The following TTN variants were observed in gnomAD, a reference collection of about 807,000 sequenced individuals.
The protein encoded by TTN is titin, also known as connectin.
Under a neutral mutation model 3,223.0 loss-of-function variants are expected in TTN, and 1,525 were observed. That is an observed-to-expected ratio of 0.47 (90% confidence interval 0.45 to 0.49). The LOEUF (loss-of-function observed/expected upper bound fraction) is 0.49, where lower values mean the gene tolerates loss of function less well. Among genes scored for constraint, TTN ranks in the 20% least tolerant of loss-of-function variants. The probability of loss-of-function intolerance (pLI) is 0.00; values close to 1 mark genes in which losing one functional copy is unlikely to be tolerated. For missense variants in TTN, 40,786 were observed against 43,424.0 expected (o/e 0.94, Z 5.40); for synonymous variants, 14,094 against 15,161.0 (o/e 0.93, Z 5.17).
Position 178,733,720 on chromosome 2 carries a change from T to C in TTN, c.15669A>G (p.Ala5223=). The change falls in exon 53 of 363, where the codon GCA becomes GCG. Residue 5223 remains alanine (A), a synonymous_variant. Coordinates refer to ENST00000589042, the MANE Select transcript of TTN (RefSeq NM_001267550.2). The part of the protein sequence containing the change: ...KIKMSFSNGV[A]VLIIPDVQIS... Reference sequence around the variant, plus strand: ...TCTGAACATCAGGGATTATCAAGACTGCAACACCATTGGAAAAGCTCATTT... The same window carrying C: ...TCTGAACATCAGGGATTATCAAGACCGCAACACCATTGGAAAAGCTCATTT... 1 of 1,613,890 alleles carries C rather than the reference T, an allele frequency of 6.2e-7. No individual in the cohort carries two copies.
chr2:178,696,139 T>C lies in TTN; in HGVS notation c.30933A>G (p.Arg10311=). ...GTTCTTCGAAAGATTCAATGAAGAC[T>C]CTCTTCTCCTTGTGGACTGCTTGCT... ...EKKQAVHKEK[R]VFIESFEEPY... The change falls in exon 114 of 363, where the codon AGA becomes AGG. Residue 10311 remains arginine (R), a synonymous_variant. Coordinates refer to ENST00000589042, the MANE Select transcript of TTN (RefSeq NM_001267550.2). 1 of 1,553,034 alleles carries C rather than the reference T, an allele frequency of 6.4e-7. No individual in the cohort carries two copies.
chr2:178,634,854 A>G lies in TTN; in HGVS notation c.42025-5T>C, dbSNP rs781238967. ...TTCTGCTTTGATTTCACAAGTCTGA[A>G]AAACAATAGTTTTAGTAACCATTTG... On this transcript the variant is annotated splice_polypyrimidine_tract_variant and splice_region_variant and intron_variant, in intron 228 of 362. Coordinates refer to ENST00000589042, the MANE Select transcript of TTN (RefSeq NM_001267550.2). The surrounding 1 kb of genome is among the most constrained non-coding windows in gnomAD (Gnocchi z 4.6). The G allele has an allele frequency of 6.2e-7, 1 of 1,604,556 alleles. No individual in the cohort carries two copies. The highest frequency in any genetic ancestry group is 1.1e-5 in the South Asian group (1 of 88,684).
Position 178,777,278 on chromosome 2 carries a change from A to G in TTN, c.4685T>C (p.Leu1562Pro), listed in dbSNP as rs562318663. ...HQVKPMFVEK[L>P]KNVNIKEGSR... ...ACCTTCCTTTATATTGACATTTTTC[A>G]GTTTTTCTACAAACATCGGTTTTAC... Residue 1562 changes from leucine (L) to proline (P), a missense_variant, in exon 27 of 363, where the codon CTG becomes CCG. Transcript: ENST00000589042. The G allele has an allele frequency of 6.2e-7, 1 of 1,614,020 alleles. No individual in the cohort carries two copies. Among genetic ancestry groups the G allele is most frequent in the Non-Finnish European group, 8.5e-7 (1 of 1,179,950 alleles).
In TTN at chr2:178,570,158, C is replaced by T. The variant is rs1553602546; in HGVS notation, c.75974G>A (p.Trp25325Ter). The change falls in exon 326 of 363, where the codon TGG becomes TAG. Residue 25325 changes from tryptophan (W) to a stop codon, truncating the protein, a stop_gained. Coordinates refer to ENST00000589042, the MANE Select transcript of TTN (RefSeq NM_001267550.2). LOFTEE classifies it high-confidence loss of function. ...TVTKDSMIVV[W>*]ERPASDGGSE... ...ACCACCATCAGATGCTGGTCTTTCC[C>T]ATACAACAATCATTGAGTCCTTGGT... 6.2e-7 allele frequency: 1 copy of T among 1,613,510 alleles called. No individual in the cohort carries two copies. The highest frequency in any genetic ancestry group is 8.5e-7 in the Non-Finnish European group (1 of 1,179,628).
rs373707659 is a variant in TTN, at chr2:178,543,094, T to G, written c.96879A>C (p.Thr32293=). The G allele has an allele frequency of 8.7e-6, 14 of 1,600,740 alleles. No individual in the cohort carries two copies. In the South Asian group the frequency reaches 1.3e-4, roughly 15 times the overall value. ...KGVSEPRETV[T]AVTVQDLRVL... ...CTCTGAGGTCTTGTACAGTCACGGC[T>G]GTGACAGTCTCTCTTGGTTCTGACA... Residue 32293 remains threonine (T), a synonymous_variant, in exon 347 of 363, where the codon ACA becomes ACC. Transcript: ENST00000589042.
chr2:178,577,676 C>G lies in TTN; in HGVS notation c.68750G>C (p.Arg22917Thr). Residue 22917 changes from arginine (R) to threonine (T), a missense_variant, in exon 323 of 363, where the codon AGA becomes ACA. Transcript: ENST00000589042. ...GATAGCACCTGCTGTATTCTTTGCT[C>G]TAATTCTGAATTCATATTTTCCACC... ...VEGGKYEFRI[R>T]AKNTAGAISA... The G allele has an allele frequency of 6.2e-7, 1 of 1,613,274 alleles. No individual in the cohort carries two copies. The highest frequency in any genetic ancestry group is 1.3e-5 in the African/African-American group (1 of 75,012).
Position 178,681,077 on chromosome 2 carries a change from A to G in TTN, c.33340+2T>C, listed in dbSNP as rs1266215470. 5 of 1,597,554 alleles carry G rather than the reference A, an allele frequency of 3.1e-6. No individual in the cohort carries two copies. The highest frequency in any genetic ancestry group is 2.2e-5 in the East Asian group (1 of 44,718). ...CACAATCGAGGAAGGAAATCATTAT[A>G]CCTTTAGCAGCGGGTTCAGTCACCT... On this transcript the variant is annotated splice_donor_variant, in intron 138 of 362. Transcript: ENST00000589042. LOFTEE classifies it high-confidence loss of function.
chr2:178,692,496 C>T lies in TTN; in HGVS notation c.31678+1G>A. ...TATTTTTTTCACAAATATTATTCTA[C>T]CTTTTGGTGCTGGGGGCTCCACTTT... On this transcript the variant is annotated splice_donor_variant, in intron 120 of 362. Coordinates refer to ENST00000589042, the MANE Select transcript of TTN (RefSeq NM_001267550.2). LOFTEE classifies it high-confidence loss of function. 6.4e-7 allele frequency: 1 copy of T among 1,572,224 alleles called. No homozygotes were observed. The highest frequency in any genetic ancestry group is 8.6e-7 in the Non-Finnish European group (1 of 1,156,730).
intron 46 of TTN, among the ~76,000 whole-genome samples, chr2:178,755,500 A>G (rs959288255): frequency 3.9e-5 from 6 of 152,102 alleles, no homozygotes; most frequent in Admixed American, 2.0e-4. Flanking sequence ...CAGTGACCCT[A>G]TTTCGGCTCA....
Position 178,667,506 on chromosome 2 carries a change from T to A in TTN, c.35649A>T (p.Lys11883Asn). The change falls in exon 161 of 363, where the codon AAA becomes AAT. Residue 11883 changes from lysine (K) to asparagine (N), a missense_variant. By Grantham distance (94) the Lys-to-Asn change is moderately conservative. Coordinates refer to ENST00000589042, the MANE Select transcript of TTN (RefSeq NM_001267550.2). ...KLAKVPEPPK[K>N]VVPEDKIYVT... ...CATATATTTTGTCTTCTGGAACAAC[T>A]TTCTTGGGTGGCTCAGGCACTTAAA... is the stretch of plus-strand genomic sequence containing the variant. The A allele has an allele frequency of 6.3e-7, 1 of 1,598,192 alleles. No individual in the cohort carries two copies. The highest frequency in any genetic ancestry group is 8.5e-7 in the Non-Finnish European group (1 of 1,179,240).
rs748115880 is a variant in TTN, at chr2:178,725,387, C to T, written c.20817G>A (p.Met6939Ile). 1 of 1,583,830 alleles carries T rather than the reference C, an allele frequency of 6.3e-7. No individual in the cohort carries two copies. The highest frequency in any genetic ancestry group is 2.3e-5 in the East Asian group (1 of 44,356). Residue 6939 changes from methionine to isoleucine, a missense_variant, in exon 71 of 363, where the codon ATG becomes ATA. Transcript: ENST00000589042. ...ACCAACCTAAGACCATCAGTGTGGC[C>T]ATGTTCTCCCTCATTCCACCATCAT... ...IKNDGGMRENMATLMVLEPAV... is the reference protein window; with the variant it reads ...IKNDGGMRENIATLMVLEPAV...
Position 178,728,353 on chromosome 2 carries a change from C to A in TTN, c.19471G>T (p.Asp6491Tyr). The change falls in exon 67 of 363, where the codon GAT becomes TAT. Residue 6491 changes from aspartate (D) to tyrosine (Y), a missense_variant. Asp to Tyr is a radical substitution (Grantham distance 160). Coordinates refer to ENST00000589042, the MANE Select transcript of TTN (RefSeq NM_001267550.2). The part of the protein sequence containing the change: ...PSFTKKLTKM[D>Y]KVLGSSIHME... ...TGAATAGAAGAGCCCAGAACTTTAT[C>A]CATTTTGGTTAATTTTTTGGTGAAT... 6.2e-7 allele frequency: 1 copy of A among 1,605,910 alleles called. No individual in the cohort carries two copies. Among genetic ancestry groups the A allele is most frequent in the Non-Finnish European group, 8.5e-7 (1 of 1,176,928 alleles).
At chr2:178,541,124 C>G (rs1694302993) in intron 350 of TTN, 158 bp downstream of exon 350, 2 of 712,066 alleles carry the variant, frequency 2.8e-6, no homozygotes, top group East Asian at 6.2e-5. Flanking sequence ...CACAAGGGAA[C>G]TTTACGGGGT....
Position 178,719,570 on chromosome 2 carries a change from T to C in TTN, c.23922A>G (p.Val7974=). 6.2e-7 allele frequency: 1 copy of C among 1,609,470 alleles called. No homozygotes were observed. Among genetic ancestry groups the C allele is most frequent in the Non-Finnish European group, 8.5e-7 (1 of 1,176,610 alleles). The change falls in exon 82 of 363, where the codon GTA becomes GTG. Residue 7974 remains valine, a synonymous_variant. Transcript: ENST00000589042. ...KNSVGKSNCT[V]SVHVSDRIVP... is the part of the protein sequence containing the mutation. ...TCTACTCACCAGAAACATGGACGGATACAGTGCAGTTACTTTTGCCAACAC... is the reference window on the plus strand; with the variant it reads ...TCTACTCACCAGAAACATGGACGGACACAGTGCAGTTACTTTTGCCAACAC...
chr2:178,533,437 G>A lies in TTN; in HGVS notation c.103178C>T (p.Thr34393Ile), dbSNP rs372299779. Residue 34393 changes from threonine (T) to isoleucine (I), a missense_variant, in exon 358 of 363, where the codon ACA becomes ATA. Coordinates refer to ENST00000589042, the MANE Select transcript of TTN (RefSeq NM_001267550.2). ...EIRVSGIPPP[T>I]LKWEKDGQPL... ...CTGACCATCTTTCTCCCATTTTAAT[G>A]TTGGTGGGGGGATGCCAGACACTCT... The A allele has an allele frequency of 5.0e-6, 8 of 1,613,894 alleles. No individual in the cohort carries two copies. The highest frequency in any genetic ancestry group is 6.8e-6 in the Non-Finnish European group (8 of 1,179,840).
At chr2:178,795,483 C>T (rs994732334) in intron 6 of TTN, among the ~76,000 whole-genome samples, 1 of 151,440 alleles carries the variant, frequency 6.6e-6, no homozygotes, top group Admixed American at 6.6e-5. Flanking sequence ...TCCAAATAAG[C>T]TGGAGATTTT....
At chr2:178,614,019 C>G in intron 262 of TTN, 33 bp downstream of exon 262, 1 of 1,468,174 alleles carries the variant, frequency 6.8e-7, no homozygotes, top group Non-Finnish European at 9.3e-7. Context: ...CATAAGCATC[C>G]TTTTTTTTTT....
rs1231303462 is a variant in TTN, at chr2:178,639,677, A to T, written c.40876+22T>A. 7 of 1,609,546 alleles carry T rather than the reference A, an allele frequency of 4.3e-6. No individual in the cohort carries two copies. The East Asian group carries it at 1.1e-4, about 26-fold the overall frequency. On this transcript the variant is annotated intron_variant, in intron 223 of 362. Transcript: ENST00000589042. The stretch of plus-strand genomic sequence containing the variant: ...TAAGTCACCAAAACAAACTAGCAAA[A>T]AGAAAGCTACAGGATAAATACCTGC...
Position 178,536,999 on chromosome 2 carries a change from G to C in TTN, c.100110C>G (p.Asn33370Lys). The C allele has an allele frequency of 6.2e-7, 1 of 1,613,330 alleles. No individual in the cohort carries two copies. Among genetic ancestry groups the C allele is most frequent in the Non-Finnish European group, 8.5e-7 (1 of 1,179,548 alleles). Residue 33370 changes from asparagine (N) to lysine (K), a missense_variant, in exon 356 of 363, where the codon AAC becomes AAG. Physicochemically the swap from Asn to Lys is moderately conservative, Grantham distance 94 (BLOSUM62 0). Transcript: ENST00000589042. ...CTAGAGGGTCACTGATGCCGAAAGT[G>C]TTCTGAGCTGAAACCCGGAAGTAAT... ...AGYYFRVSAQNTFGISDPLEV... is the reference protein window; with the variant it reads ...AGYYFRVSAQKTFGISDPLEV...
Sources: allele counts gnomAD v4.1 joint callset (sites outside exome capture counted in the v4.1 genomes callset), GRCh38; gene constraint gnomAD v4.1.1; non-coding constraint Gnocchi (gnomAD v3.1); transcripts MANE v1.5; gene names NCBI Gene and HGNC (gene_info 2026-07-23, HGNC 2026-07-21).